Variants in CCDC12 observed in about 807,000 individuals in gnomAD.
CCDC12 encodes the protein coiled-coil domain containing 12.
CCDC12 carries 28 observed loss-of-function variants against 25.7 expected under a neutral mutation model. The ratio of observed to expected loss-of-function variants is 1.09; its 90% confidence interval spans 0.81 to 1.50. CCDC12 has a LOEUF of 1.50. Among genes scored for constraint, CCDC12 ranks in the 40% most tolerant of loss-of-function variants. The pLI, the probability that CCDC12 is intolerant of heterozygous loss-of-function variation, is 0.00. For missense variants in CCDC12, 198 were observed against 210.0 expected (o/e 0.94, Z 0.35); for synonymous variants, 75 against 87.7 (o/e 0.86, Z 0.81).
At chr3:46,922,811 A>G in intron 5 of CCDC12, 1 of 193,634 alleles carries the variant, frequency 5.2e-6, no homozygotes, top group South Asian at 1.0e-4. Flanking sequence ...ACCAAGAATC[A>G]GGCGAGAGGG....
intron 2 of CCDC12, among the ~76,000 whole-genome samples, chr3:46,933,716 A>G (rs754741783): frequency 2.2e-4 from 33 of 152,268 alleles, no homozygotes; most frequent in Non-Finnish European, 4.1e-4. Context: ...AAAACAAAAA[A>G]CCCCAAGACT....
chr3:46,953,035 T>G (rs2034176913), intron 1 of CCDC12, among the ~76,000 whole-genome samples: 1 of 152,168 alleles, frequency 6.6e-6, no homozygotes, highest in Non-Finnish European at 1.5e-5. Context: ...TGTCATCACA[T>G]GAGAGTTGAC....
Position 46,922,312 on chromosome 3 carries a change from C to T in CCDC12, c.342G>A (p.Trp114Ter). ...TCTTGGCCACATCTCTCTTGAGGTCCCTGGAGCAGGGAGGCAGGGAGAAGC... is the reference window on the plus strand; with the variant it reads ...TCTTGGCCACATCTCTCTTGAGGTCTCTGGAGCAGGGAGGCAGGGAGAAGC... ...LANLAPRKPD[W>*]DLKRDVAKKL... Residue 114 changes from tryptophan (W) to a stop codon, truncating the protein, a stop_gained and splice_region_variant, in exon 6 of 7, where the codon TGG becomes TGA. Coordinates refer to ENST00000683445, the MANE Select transcript of CCDC12 (RefSeq NM_001277074.2). LOFTEE classifies it high-confidence loss of function. 6.2e-7 allele frequency: 1 copy of T among 1,614,234 alleles called. No individual in the cohort carries two copies. Among genetic ancestry groups the T allele is most frequent in the Non-Finnish European group, 8.5e-7 (1 of 1,180,040 alleles).
chr3:46,968,837 C>T (rs6442047), intron 1 of CCDC12, among the ~76,000 whole-genome samples: 143,934 of 152,240 alleles, frequency 0.95, 68,605 homozygotes, highest in East Asian at 1. Flanking sequence ...ACTCAAAGCA[C>T]GACTGTGGGA....
chr3:46,940,776 G>A, intron 2 of CCDC12: 3 of 581,226 alleles, frequency 5.2e-6, no homozygotes, highest in South Asian at 2.2e-5. Flanking sequence ...GCTGGGGGCT[G>A]AGTAACAGCC....
At chr3:46,943,365 G>T (rs150846542) in intron 1 of CCDC12, among the ~76,000 whole-genome samples, 190 of 152,298 alleles carry the variant, frequency 1.2e-3, no homozygotes, top group African/African-American at 4.2e-3. Flanking sequence ...CACCCTGAAG[G>T]CTACTCCCTG....
At chr3:46,977,910 G>A (rs2035051133), upstream of CCDC12, among the ~76,000 whole-genome samples, 1 of 152,230 alleles carries the variant, frequency 6.6e-6, no homozygotes, top group Admixed American at 6.5e-5. Context: ...GAACTAGAGT[G>A]TCCTGATAAC....
intron 2 of CCDC12, 35 bp from the exon 3 acceptor site, chr3:46,925,570 C>T (rs766805714): frequency 3.4e-6 from 5 of 1,465,924 alleles, no homozygotes; most frequent in Non-Finnish European, 4.6e-6. Context: ...GAGATGAAGT[C>T]AGTGTGTGAC....
chr3:46,947,167 A>G (rs1156855857), intron 1 of CCDC12, among the ~76,000 whole-genome samples: 2 of 152,172 alleles, frequency 1.3e-5, no homozygotes, highest in Non-Finnish European at 2.9e-5. Context: ...AAGACCTCGA[A>G]ATCCTAGCCC....
At chr3:46,969,083 T>C (rs1451950384) in intron 1 of CCDC12, among the ~76,000 whole-genome samples, 9 of 152,012 alleles carry the variant, frequency 5.9e-5, no homozygotes, top group Admixed American at 5.9e-4. Flanking sequence ...AGAGGCAACT[T>C]CTTGAGACAT....
At chr3:46,969,301 C>G (rs2034729716) in intron 1 of CCDC12, among the ~76,000 whole-genome samples, 1 of 152,164 alleles carries the variant, frequency 6.6e-6, no homozygotes, top group African/African-American at 2.4e-5. Flanking sequence ...ACTCTCTGCA[C>G]TGTGCATTTT....
At chr3:46,948,433 G>C (rs550054143) in intron 1 of CCDC12, among the ~76,000 whole-genome samples, 1 of 152,240 alleles carries the variant, frequency 6.6e-6, no homozygotes, top group Non-Finnish European at 1.5e-5. Flanking sequence ...GAACAAGGAG[G>C]TGCCTCAACG....
upstream of CCDC12, chr3:46,976,854 A>G: frequency 1.4e-6 from 2 of 1,475,852 alleles, no homozygotes; most frequent in South Asian, 1.3e-5. Context: ...CTGAAAGCCA[A>G]TCAATGCGGG....
chr3:46,980,733 C>G (rs1237133380), upstream of CCDC12, among the ~76,000 whole-genome samples: 1 of 152,064 alleles, frequency 6.6e-6, no homozygotes, highest in Non-Finnish European at 1.5e-5. Flanking sequence ...CAGCTGAGAA[C>G]CTGGTATCAC....
At chr3:46,932,181 C>T (rs561521770) in intron 2 of CCDC12, among the ~76,000 whole-genome samples, 2 of 152,262 alleles carry the variant, frequency 1.3e-5, no homozygotes, top group African/African-American at 4.8e-5. Flanking sequence ...GAAATTATTC[C>T]ATAGAAATAG....
intron 3 of CCDC12, chr3:46,925,162 T>A (rs942847707): frequency 3.5e-6 from 2 of 572,000 alleles, no homozygotes; most frequent in Admixed American, 2.2e-5. Context: ...CAGCCAGGAG[T>A]CCTCTGAGAG....
In CCDC12 at chr3:46,922,035, G is replaced by C; in HGVS notation, c.*22C>G. The C allele has an allele frequency of 6.2e-7, 1 of 1,612,532 alleles. No homozygotes were observed. On this transcript the variant is annotated 3_prime_UTR_variant, in exon 7 of 7. Coordinates refer to ENST00000683445, the MANE Select transcript of CCDC12 (RefSeq NM_001277074.2). ...CCTCTGCAGGACAGGCCTGATGGGC[G>C]AGTGGTGGGGCAGGGCATGCCTCAG...
chr3:46,934,451 C>T (rs2033360734), intron 2 of CCDC12, among the ~76,000 whole-genome samples: 1 of 152,256 alleles, frequency 6.6e-6, no homozygotes, highest in African/African-American at 2.4e-5. Flanking sequence ...AGCCAAGTCA[C>T]TTCACCTGCC....
rs563449357 is a variant in CCDC12, at chr3:46,964,218, G to C, written c.96+12419C>G. Among the ~76,000 whole-genome samples the C allele has an allele frequency of 3.2e-4, 48 of 149,446 alleles. 1 individual carries two copies. Among genetic ancestry groups the C allele is most frequent in the Admixed American group, 3.2e-3 (48 of 15,056 alleles). ...TGAGAAGTTAGGAGCCCCTCTGCCCGGCAGCTGCCCCGTCTGAGAAGTGAG... is the reference window on the plus strand; with the variant it reads ...TGAGAAGTTAGGAGCCCCTCTGCCCCGCAGCTGCCCCGTCTGAGAAGTGAG... On this transcript the variant is annotated intron_variant, in intron 1 of 6. Coordinates refer to ENST00000683445, the MANE Select transcript of CCDC12 (RefSeq NM_001277074.2).
Sources: allele counts gnomAD v4.1 joint callset (sites outside exome capture counted in the v4.1 genomes callset), GRCh38; gene constraint gnomAD v4.1.1; transcripts MANE v1.5; gene names NCBI Gene and HGNC (gene_info 2026-07-23, HGNC 2026-07-21).